PRTFDC1: variants seen among roughly 807,000 people sequenced by gnomAD.
PRTFDC1 encodes phosphoribosyl transferase domain containing 1.
Under a neutral mutation model 34.6 loss-of-function variants are expected in PRTFDC1, and 38 were observed. The ratio of observed to expected loss-of-function variants is 1.10; its 90% CI spans 0.85 to 1.44. PRTFDC1 has a LOEUF of 1.44. Among genes scored for constraint, PRTFDC1 ranks in the 40% most tolerant of loss-of-function variants. The probability of loss-of-function intolerance (pLI) is 0.00; values close to 1 mark genes in which losing one functional copy is unlikely to be tolerated. For synonymous variants in PRTFDC1, 93 were observed against 98.1 expected (o/e 0.95, Z 0.31); for missense variants, 270 against 283.0 (o/e 0.95, Z 0.33).
At chr10:24,920,551 C>T (rs1340690972) in intron 3 of PRTFDC1, among the ~76,000 whole-genome samples, 1 of 149,956 alleles carries the variant, frequency 6.7e-6, no homozygotes, top group Non-Finnish European at 1.5e-5. Flanking sequence ...GATGCGGCGA[C>T]AGCATCAGGA....
chr10:24,919,150 A>G (rs1343013486), intron 3 of PRTFDC1, among the ~76,000 whole-genome samples: 1 of 152,204 alleles, frequency 6.6e-6, no homozygotes, highest in Non-Finnish European at 1.5e-5. Context: ...ATCAAATTCA[A>G]CTTTTAAAAT....
chr10:24,948,299 C>T (rs1034453756), intron 1 of PRTFDC1, among the ~76,000 whole-genome samples: 34 of 152,130 alleles, frequency 2.2e-4, no homozygotes, highest in African/African-American at 7.7e-4. Context: ...AACAAACAAA[C>T]AAAAACATGT....
chr10:24,898,061 A>G (rs766038156), intron 3 of PRTFDC1, among the ~76,000 whole-genome samples: 29 of 152,294 alleles, frequency 1.9e-4, no homozygotes, highest in Non-Finnish European at 1.9e-4. Flanking sequence ...CTTGTAAAGT[A>G]CTTTTTTTTG....
Position 24,946,752 on chromosome 10 carries a change from A to G in PRTFDC1, c.49-4316T>C, listed in dbSNP as rs551899623. Among the ~76,000 whole-genome samples, 6 of 152,362 alleles carry G rather than the reference A, an allele frequency of 3.9e-5. No individual in the cohort carries two copies. In the South Asian group the frequency reaches 1.2e-3, roughly 32 times the overall value. ...ATGCTAATCATTTAGATGAACTGAA[A>G]CATCAATCATTTAACAACAAATTAT... On this transcript the variant is annotated intron_variant, in intron 1 of 8. Transcript: ENST00000320152.
intron 3 of PRTFDC1, among the ~76,000 whole-genome samples, chr10:24,896,315 A>C (rs894069389): frequency 1.2e-4 from 18 of 152,140 alleles, no homozygotes; most frequent in Non-Finnish European, 2.2e-4. Context: ...CCTTACGAGA[A>C]TCTAACTAAT....
intron 3 of PRTFDC1, among the ~76,000 whole-genome samples, chr10:24,911,663 T>C (rs1848628906): frequency 6.6e-6 from 1 of 151,556 alleles, no homozygotes; most frequent in Admixed American, 6.6e-5. Flanking sequence ...GTCAGGAGAC[T>C]GAGACCATCC....
intron 7 of PRTFDC1, among the ~76,000 whole-genome samples, chr10:24,853,409 C>T (rs1847523897): frequency 6.6e-6 from 1 of 151,804 alleles, no homozygotes; most frequent in African/African-American, 2.4e-5. Flanking sequence ...GTCAGGAGTC[C>T]AAGACCAGCC....
Position 24,868,971 on chromosome 10 carries a change from C to T in PRTFDC1, c.405+3027G>A, listed in dbSNP as rs188981396. On this transcript the variant is annotated intron_variant, in intron 4 of 8. Transcript: ENST00000320152. The stretch of plus-strand genomic sequence containing the variant: ...GAGTGTTTGTTACATGCATGGAATG[C>T]GTAATGAGCAGGTCAGGGTATTTGG... Among the ~76,000 whole-genome samples the T allele has an allele frequency of 2.6e-4, 39 of 152,230 alleles. No individual in the cohort carries two copies. In the East Asian group the frequency reaches 7.5e-3, roughly 29 times the overall value.
At chr10:24,871,448 G>A (rs1565261124) in intron 4 of PRTFDC1, among the ~76,000 whole-genome samples, 1 of 152,096 alleles carries the variant, frequency 6.6e-6, no homozygotes, top group Non-Finnish European at 1.5e-5. Context: ...TTAAGCACTG[G>A]CAGATTTGGA....
intron 3 of PRTFDC1, among the ~76,000 whole-genome samples, chr10:24,880,754 G>C (rs905332901): frequency 6.6e-6 from 1 of 152,186 alleles, no homozygotes. Flanking sequence ...TGCAGTGTCT[G>C]ATGTTTACAC....
rs146028780 is a variant in PRTFDC1 at position 24,884,448 on chromosome 10, C to T, written c.340-12385G>A. Among the ~76,000 whole-genome samples, 321 of 152,276 alleles carry T rather than the reference C, an allele frequency of 2.1e-3. 3 individuals carry two copies. Among genetic ancestry groups the T allele is most frequent in the Middle Eastern group, 0.02 (6 of 294 alleles). On this transcript the variant is annotated intron_variant, in intron 3 of 8. Coordinates refer to ENST00000320152, the MANE Select transcript of PRTFDC1 (RefSeq NM_020200.7). Reference sequence around the variant, plus strand: ...AAAAGTTGAGCTCTGTGTGTCACTTCTCAGCTCAAAATATTTCTGAAGATT... The same window carrying T: ...AAAAGTTGAGCTCTGTGTGTCACTTTTCAGCTCAAAATATTTCTGAAGATT...
intron 3 of PRTFDC1, among the ~76,000 whole-genome samples, chr10:24,883,900 C>T (rs1273695598): frequency 6.9e-6 from 1 of 145,216 alleles, no homozygotes; most frequent in Non-Finnish European, 1.5e-5. Flanking sequence ...TCTTGGCTCA[C>T]TGCAACCTTT....
intron 3 of PRTFDC1, among the ~76,000 whole-genome samples, chr10:24,872,687 GTA>G (rs35268293): frequency 1.3e-4 from 19 of 143,726 alleles, no homozygotes; most frequent in Admixed American, 1.4e-4. Context: ...GTGTGTGTGT[GTA>G]TATATATATA....
chr10:24,937,509 A>G, intron 2 of PRTFDC1, 142 bp from the exon 3 acceptor site: 1 of 661,582 alleles, frequency 1.5e-6, no homozygotes, highest in East Asian at 3.0e-5. Flanking sequence ...ACCCACCGAT[A>G]GAAAAGCTTT....
rs1472682420 is a variant in PRTFDC1 at position 24,849,636 on chromosome 10, T to A, written c.*208A>T. On this transcript the variant is annotated 3_prime_UTR_variant, in exon 9 of 9. Coordinates refer to ENST00000320152, the MANE Select transcript of PRTFDC1 (RefSeq NM_020200.7). Reference sequence around the variant, plus strand: ...GGCGGAGTGTTTAATTTGGAACAAGTCAAATAAAAGCACTGCTTTCTTTTC... The same window carrying A: ...GGCGGAGTGTTTAATTTGGAACAAGACAAATAAAAGCACTGCTTTCTTTTC... 25 of 520,602 alleles carry A rather than the reference T, an allele frequency of 4.8e-5. No homozygotes were observed. Among genetic ancestry groups the A allele is most frequent in the Non-Finnish European group, 8.2e-5 (24 of 292,592 alleles). 32.2% of individuals were successfully genotyped at this position (520,602 alleles called of 1,614,324 possible). A position where few individuals can be genotyped will look rare whatever the true frequency, so the allele number is the denominator to read the frequency against.
intron 3 of PRTFDC1, among the ~76,000 whole-genome samples, chr10:24,899,322 T>C (rs1382117390): frequency 1.3e-5 from 2 of 152,202 alleles, no homozygotes; most frequent in African/African-American, 4.8e-5. Context: ...CTCTTCTTCT[T>C]GTGAGGTTAA....
chr10:24,903,816 G>C (rs1848487955), intron 3 of PRTFDC1, among the ~76,000 whole-genome samples: 1 of 151,196 alleles, frequency 6.6e-6, no homozygotes, highest in South Asian at 2.1e-4. Flanking sequence ...GGGACTACAA[G>C]CGAACACAAC....
At chr10:24,863,501 T>C (rs1242896355) in intron 4 of PRTFDC1, among the ~76,000 whole-genome samples, 6 of 152,212 alleles carry the variant, frequency 3.9e-5, no homozygotes, top group African/African-American at 7.2e-5. Context: ...AGGAGATTAT[T>C]TTCATGCCTG....
chr10:24,877,008 AC>A (rs1847977989), intron 3 of PRTFDC1, among the ~76,000 whole-genome samples: 1 of 151,952 alleles, frequency 6.6e-6, no homozygotes. Context: ...CTTTCAACCA[AC>A]CTTGTTGTTT....
Sources: allele counts gnomAD v4.1 joint callset (sites outside exome capture counted in the v4.1 genomes callset), GRCh38; gene constraint gnomAD v4.1.1; transcripts MANE v1.5; gene names NCBI Gene and HGNC (gene_info 2026-07-23, HGNC 2026-07-21).